Variants in CHIC1 observed in about 807,000 individuals in gnomAD.
CHIC1 encodes cysteine-rich hydrophobic domain-containing protein 1.
Under a neutral mutation model 18.5 loss-of-function variants are expected in CHIC1, and 7 were observed. The ratio of observed to expected loss-of-function variants is 0.38; its 90% CI spans 0.22 to 0.71. The LOEUF is 0.71. Ranked by LOEUF, CHIC1 falls within the 30% of genes least tolerant of loss-of-function variation. The pLI is 0.49. For missense variants in CHIC1, 159 were observed against 176.9 expected (o/e 0.90, Z 0.57); for synonymous variants, 77 against 73.5 (o/e 1.05, Z -0.25).
intron 3 of CHIC1, among the ~76,000 whole-genome samples, chrX:73,634,386 G>A (rs2057821953): frequency 8.9e-6 from 1 of 112,911 alleles, no homozygotes; most frequent in South Asian, 3.6e-4. Context: ...GCATGAACAA[G>A]GTTGCATGCC....
At chrX:73,680,862 C>T in intron 5 of CHIC1, 93 bp from the exon 6 acceptor site, 1 of 460,248 alleles carries the variant, frequency 2.2e-6, no homozygotes, top group Non-Finnish European at 3.6e-6. Context: ...GAAATATTGT[C>T]CTATGAAAAA....
chrX:73,673,724 AT>A (rs2058045363), intron 3 of CHIC1, among the ~76,000 whole-genome samples: 1 of 111,532 alleles, frequency 9.0e-6, no homozygotes, highest in Non-Finnish European at 1.9e-5. Flanking sequence ...TCTTTTCCTA[AT>A]TGAATACCCT....
chrX:73,649,148 T>C (rs2057903553), intron 3 of CHIC1, among the ~76,000 whole-genome samples: 1 of 111,768 alleles, frequency 8.9e-6, no homozygotes, highest in South Asian at 3.8e-4. Flanking sequence ...AAGCAAATGC[T>C]AAGGGATTTT....
chrX:73,611,163 C>G (rs2057706798), intron 3 of CHIC1, among the ~76,000 whole-genome samples: 1 of 107,635 alleles, frequency 9.3e-6, no homozygotes, highest in Non-Finnish European at 1.9e-5. Context: ...AATGCTATCC[C>G]TCCCCTCTCC....
rs755507828 is a variant in CHIC1, at chrX:73,621,762, T to G, written c.507+37190T>G. 4.5e-5 allele frequency among the ~76,000 whole-genome samples: 5 copies of G among 112,298 alleles called. No homozygotes were observed. The Admixed American group carries it at 4.7e-4, about 11-fold the overall frequency. ...ATAGGAGTTGTGAGAGAGGGCATCCTTGTCTTGTGCTGGTTTTCAAAGGGA... is the reference window on the plus strand; with the variant it reads ...ATAGGAGTTGTGAGAGAGGGCATCCGTGTCTTGTGCTGGTTTTCAAAGGGA... On this transcript the variant is annotated intron_variant, in intron 3 of 5. Coordinates refer to ENST00000373502, the MANE Select transcript of CHIC1 (RefSeq NM_001039840.4).
chrX:73,638,455 T>G (rs1165740998), intron 3 of CHIC1, among the ~76,000 whole-genome samples: 2 of 111,355 alleles, frequency 1.8e-5, no homozygotes, highest in Non-Finnish European at 1.9e-5. Flanking sequence ...CCATACATGG[T>G]GGGGTAAGGC....
At chrX:73,583,865 C>T (rs1004978589) in intron 2 of CHIC1, among the ~76,000 whole-genome samples, 2 of 111,602 alleles carry the variant, frequency 1.8e-5, no homozygotes, top group East Asian at 5.7e-4. Flanking sequence ...TGAATGCAAT[C>T]ACTAGGCATT....
At chrX:73,660,504 C>G (rs181245186) in intron 3 of CHIC1, among the ~76,000 whole-genome samples, 65 of 111,950 alleles carry the variant, frequency 5.8e-4, no homozygotes, top group African/African-American at 1.9e-3. Flanking sequence ...ATACCCTACG[C>G]GAGTTGCAGT....
chrX:73,676,792 G>T lies in CHIC1; in HGVS notation c.508-2534G>T, dbSNP rs891617676. On this transcript the variant is annotated intron_variant, in intron 3 of 5. Transcript: ENST00000373502. ...GCTGGTGAGGAGCTGCGTTCCTTTG[G>T]AGAAGGAGAGGTGCTCTGATTTTTA... Among the ~76,000 whole-genome samples, 7 of 111,799 alleles carry T rather than the reference G, an allele frequency of 6.3e-5. No individual in the cohort carries two copies. In the East Asian group the frequency reaches 2.0e-3, roughly 31 times the overall value.
intron 2 of CHIC1, among the ~76,000 whole-genome samples, chrX:73,578,046 T>A (rs1478047282): frequency 4.6e-5 from 5 of 109,771 alleles, no homozygotes; most frequent in Admixed American, 9.7e-5. Flanking sequence ...CTGATTACTA[T>A]AATTGATAAT....
Position 73,681,035 on chromosome X carries a change from CT to C in CHIC1, c.*31del. ...TTTTATCCAGTCACTTCTGTGTTAC[CT>C]GTCATTTCCTACCCTTAGTGCCTTG... On this transcript the variant is annotated 3_prime_UTR_variant, in exon 6 of 6. Transcript: ENST00000373502. The C allele has an allele frequency of 1.1e-6, 1 of 932,923 alleles. No homozygotes were observed. Among genetic ancestry groups the C allele is most frequent in the Non-Finnish European group, 1.5e-6 (1 of 668,858 alleles). 76.9% of individuals were successfully genotyped at this position (932,923 alleles called of 1,213,427 possible).
chrX:73,577,563 T>C, intron 2 of CHIC1, 102 bp downstream of exon 2: 2 of 623,292 alleles, frequency 3.2e-6, no homozygotes, highest in Admixed American at 2.5e-5. Flanking sequence ...TGAAGTCAAG[T>C]AATAGGAGGC....
intron 3 of CHIC1, among the ~76,000 whole-genome samples, chrX:73,660,872 C>G (rs953740415): frequency 1.8e-5 from 2 of 111,829 alleles, no homozygotes; most frequent in African/African-American, 6.5e-5. Context: ...AAACGGTGGG[C>G]TTTATGTCTT....
chrX:73,623,879 C>T (rs924349403), intron 3 of CHIC1, among the ~76,000 whole-genome samples: 2 of 111,393 alleles, frequency 1.8e-5, no homozygotes, highest in African/African-American at 6.5e-5. Flanking sequence ...AAAGCTCTTT[C>T]ATATATAAAC....
At chrX:73,671,635 T>C (rs2058030821) in intron 3 of CHIC1, among the ~76,000 whole-genome samples, 2 of 111,717 alleles carry the variant, frequency 1.8e-5, no homozygotes, top group Non-Finnish European at 3.8e-5. Flanking sequence ...TTTAATGATA[T>C]CTTTGTTGGA....
Position 73,621,146 on chromosome X carries a change from T to C in CHIC1, c.507+36574T>C, listed in dbSNP as rs932652366. ...GTCAGGTAGAGTGATGCCTCCAGCT[T>C]TGTTCTTTTTGCTTAGGATTGTCTT... On this transcript the variant is annotated intron_variant, in intron 3 of 5. Coordinates refer to ENST00000373502, the MANE Select transcript of CHIC1 (RefSeq NM_001039840.4). Among the ~76,000 whole-genome samples, 4 of 111,838 alleles carry C rather than the reference T, an allele frequency of 3.6e-5. No individual in the cohort carries two copies. In the South Asian group the frequency reaches 1.1e-3, roughly 31 times the overall value.
intron 3 of CHIC1, among the ~76,000 whole-genome samples, chrX:73,591,445 T>C (rs1272616301): frequency 9.0e-6 from 1 of 111,200 alleles, no homozygotes; most frequent in African/African-American, 3.3e-5. Context: ...TGTTAAAGAG[T>C]TATTTGTATA....
At chrX:73,564,844 T>C (rs1370012437) in intron 1 of CHIC1, among the ~76,000 whole-genome samples, 1 of 94,045 alleles carries the variant, frequency 1.1e-5, no homozygotes, top group African/African-American at 4.1e-5. Context: ...TTGCCCAGGC[T>C]GGAGTGCAGT....
chrX:73,576,810 C>G (rs1193092159), intron 1 of CHIC1, among the ~76,000 whole-genome samples: 1 of 110,603 alleles, frequency 9.0e-6, no homozygotes, highest in Non-Finnish European at 1.9e-5. Context: ...ACTGAGTGTA[C>G]TGGAAAAGAG....
Sources: gnomAD v4.1 joint callset for allele counts (sites outside exome capture counted in the v4.1 genomes callset) on GRCh38, gnomAD v4.1.1 for gene constraint, MANE v1.5 for transcripts, NCBI Gene and HGNC (gene_info 2026-07-23, HGNC 2026-07-21) for gene names.